The following POU2F2 variants were observed in gnomAD, a reference collection of about 807,000 sequenced individuals.
The protein encoded by POU2F2 is POU class 2 homeobox 2.
In POU2F2, 14 loss-of-function variants were observed where a neutral mutation model predicts 63.5. The ratio of observed to expected loss-of-function variants is 0.22; its 90% CI spans 0.15 to 0.34. POU2F2 has a LOEUF of 0.34. POU2F2 is among the 10% of genes least tolerant of loss of function. The pLI is 1.00. For synonymous variants in POU2F2, 306 were observed against 348.6 expected, an observed-to-expected ratio of 0.88 and a Z score of 1.36; for missense variants, 607 against 815.2, an observed-to-expected ratio of 0.74 and a Z score of 3.11.
rs138111199 is a variant in POU2F2 at position 42,191,046 on chromosome 19, C to G, written c.-70+5337G>C. Among the ~76,000 whole-genome samples, 306 of 149,166 alleles carry G rather than the reference C, an allele frequency of 2.1e-3. 3 individuals carry two copies. The highest frequency in any genetic ancestry group is 7.3e-3 in the African/African-American group (293 of 40,370). ...CGCGCCATTGCACTCCACACTCCAA[C>G]CTGGGTGACAGAGCGAGACTCAGTT... On this transcript the variant is annotated intron_variant, in intron 1 of 5. Coordinates refer to the POU2F2 transcript ENST00000532176.
intron 5 of POU2F2, among the ~76,000 whole-genome samples, chr19:42,100,538 GGCCAGGC>G (rs1157795538): frequency 6.6e-6 from 1 of 151,086 alleles, no homozygotes; most frequent in African/African-American, 2.4e-5. Flanking sequence ...ACACACCTGA[GGCCAGGC>G]GTTTAACACC....
rs940401363 is a variant in POU2F2 at position 42,127,339 on chromosome 19, G to A, written c.29-4763C>T. Among the ~76,000 whole-genome samples, 3 of 151,714 alleles carry A rather than the reference G, an allele frequency of 2.0e-5. No individual in the cohort carries two copies. In the South Asian group the frequency reaches 6.3e-4, roughly 32 times the overall value. On this transcript the variant is annotated intron_variant, in intron 1 of 14. Coordinates refer to ENST00000692977, the MANE Select transcript of POU2F2 (RefSeq NM_001394376.1). ...CTGTTCCCCAATCTGTCCACCTGGC[G>A]ACCCCCGGACTCATCCTTCAGAACC...
rs71167389 is a variant in POU2F2 at position 42,194,758 on chromosome 19, C to CA, written c.-70+1624dup. Among the ~76,000 whole-genome samples the CA allele has an allele frequency of 6.5e-3, 141 of 21,738 alleles. 23 individuals are homozygous for CA. The highest frequency in any genetic ancestry group is 7.1e-3 in the African/African-American group (33 of 4,632). 14.3% of individuals were successfully genotyped at this position (21,738 alleles called of 152,430 possible). A position where few individuals can be genotyped will look rare whatever the true frequency, so the allele number is the denominator to read the frequency against. ...TGGGCAACAGAGTGAGACTCTGTCT[C>CA]AAAAAAAAAAAAAAAAAAAAAAAAA... On this transcript the variant is annotated intron_variant, in intron 1 of 5. Coordinates refer to the POU2F2 transcript ENST00000532176.
intron 12 of POU2F2, among the ~76,000 whole-genome samples, chr19:42,093,123 G>T (rs1239302136): frequency 6.8e-6 from 1 of 147,430 alleles, no homozygotes; most frequent in Non-Finnish European, 1.5e-5. Flanking sequence ...TGATTCTCCT[G>T]CCTCAGCCTC....
intron 2 of POU2F2, among the ~76,000 whole-genome samples, chr19:42,154,007 C>A (rs965733304): frequency 1.3e-5 from 2 of 151,968 alleles, no homozygotes; most frequent in Non-Finnish European, 2.9e-5. Context: ...CAGGCTGTAC[C>A]TCTGCTCCTC....
intron 2 of POU2F2, among the ~76,000 whole-genome samples, chr19:42,141,505 G>T (rs1438166348): frequency 7.0e-6 from 1 of 142,964 alleles, no homozygotes; most frequent in Admixed American, 7.0e-5. Flanking sequence ...TTTTGAGAAG[G>T]AGTCTTGCTC....
chr19:42,103,608 C>A (rs548357222), intron 5 of POU2F2, among the ~76,000 whole-genome samples: 2 of 148,866 alleles, frequency 1.3e-5, no homozygotes, highest in Non-Finnish European at 3.0e-5. Context: ...ATAAGCAATT[C>A]AACAGAAGGG....
At chr19:42,129,407 G>A (rs1256158257) in intron 1 of POU2F2, among the ~76,000 whole-genome samples, 2 of 152,036 alleles carry the variant, frequency 1.3e-5, no homozygotes, top group African/African-American at 2.4e-5. Flanking sequence ...TCACTTGCCC[G>A]ACTGCCCCAG....
At chr19:42,116,970 G>A (rs1397274448) in intron 5 of POU2F2, 3 of 607,670 alleles carry the variant, frequency 4.9e-6, no homozygotes, top group East Asian at 3.4e-5. Flanking sequence ...CTTGCTGCAG[G>A]AGGAGCTGCT....
intron 1 of POU2F2, among the ~76,000 whole-genome samples, chr19:42,172,190 C>T (rs1200847092): frequency 1.3e-5 from 2 of 152,198 alleles, no homozygotes; most frequent in East Asian, 3.8e-4. Context: ...ACTCACCTCC[C>T]TGTCTAAACC....
chr19:42,172,733 G>A (rs1181499215), intron 1 of POU2F2, among the ~76,000 whole-genome samples: 1 of 152,166 alleles, frequency 6.6e-6, no homozygotes, highest in African/African-American at 2.4e-5. Flanking sequence ...CTCATTTGCT[G>A]GCTCTCCCTT....
In POU2F2 at chr19:42,092,400, C is replaced by T. The variant is rs901506493; in HGVS notation, c.1265-130G>A. 3 of 710,072 alleles carry T rather than the reference C, an allele frequency of 4.2e-6. No homozygotes were observed. Among genetic ancestry groups the T allele is most frequent in the Admixed American group, 4.5e-5 (2 of 44,868 alleles). 44.0% of individuals were successfully genotyped at this position (710,072 alleles called of 1,614,324 possible). ...TCTCCTCAGTCAGAACAGCCTTAGA[C>T]CTCCCTGCCCTCTCTTCCCAGAGTC... is the stretch of plus-strand genomic sequence containing the variant. On this transcript the variant is annotated intron_variant, in intron 12 of 14. Transcript: ENST00000692977. The surrounding 1 kb of genome is among the most constrained non-coding windows in gnomAD (Gnocchi z 5.0).
chr19:42,101,989 AAAAG>A (rs1165392013), intron 5 of POU2F2, among the ~76,000 whole-genome samples: 1 of 152,036 alleles, frequency 6.6e-6, no homozygotes, highest in East Asian at 1.9e-4. Context: ...AAAAAAAAAA[AAAAG>A]AAAGCTGAAC....
intron 1 of POU2F2, among the ~76,000 whole-genome samples, chr19:42,195,657 C>T (rs1555737667): frequency 6.9e-6 from 1 of 143,928 alleles, no homozygotes; most frequent in South Asian, 2.3e-4. Flanking sequence ...TTCCCTCCCT[C>T]CCTTCCTCTT....
chr19:42,150,933 G>T (rs2034335176), intron 2 of POU2F2, among the ~76,000 whole-genome samples: 1 of 152,108 alleles, frequency 6.6e-6, no homozygotes, highest in Admixed American at 6.5e-5. Context: ...CCTAGAGCCT[G>T]TCCTCTGTGG....
At chr19:42,134,223 G>T (rs928531411), upstream of POU2F2, among the ~76,000 whole-genome samples, 1 of 147,072 alleles carries the variant, frequency 6.8e-6, no homozygotes, top group Admixed American at 6.8e-5. Flanking sequence ...TATGGGGGGG[G>T]GCAAAACCTC....
chr19:42,167,316 T>C (rs2146795816), intron 1 of POU2F2, among the ~76,000 whole-genome samples: 1 of 152,146 alleles, frequency 6.6e-6, no homozygotes, highest in South Asian at 2.1e-4. Flanking sequence ...TAGGTAGGCA[T>C]GGTGGCGTGC....
chr19:42,192,217 G>A (rs2035082036), intron 1 of POU2F2, among the ~76,000 whole-genome samples: 2 of 152,162 alleles, frequency 1.3e-5, no homozygotes, highest in Admixed American at 1.3e-4. Flanking sequence ...GGAGAGCATG[G>A]GTTGGGGTGG....
In POU2F2 at chr19:42,156,912, C is replaced by T. The variant is rs559970056; in HGVS notation, c.-9+3420G>A. 5 of 152,356 alleles carry T rather than the reference C, an allele frequency of 3.3e-5. No homozygotes were observed. The highest frequency in any genetic ancestry group is 9.6e-5 in the African/African-American group (4 of 41,558). The allele number at this position is 152,356 out of a possible 1,614,324, so 9.4% of individuals were successfully genotyped here. A position where few individuals can be genotyped will look rare whatever the true frequency, so the allele number is the denominator to read the frequency against. On this transcript the variant is annotated intron_variant, in intron 2 of 6. Transcript: ENST00000524801. This position sits in a 1 kb window ranked among gnomAD's most constrained non-coding sequence, Gnocchi z 4.1. ...TCACCTAGAGCAAAGCTTCTGCTTCCGAGGCATTCAGGACTCCCCTCAGGG... is the reference window on the plus strand; with the variant it reads ...TCACCTAGAGCAAAGCTTCTGCTTCTGAGGCATTCAGGACTCCCCTCAGGG...
Sources: gnomAD v4.1 joint callset for allele counts (sites outside exome capture counted in the v4.1 genomes callset) on GRCh38, gnomAD v4.1.1 for gene constraint, Gnocchi (gnomAD v3.1) non-coding constraint, MANE v1.5 for transcripts, NCBI Gene and HGNC (gene_info 2026-07-23, HGNC 2026-07-21) for gene names.